Variants in RSPH9 observed in about 807,000 individuals in gnomAD.
The protein encoded by RSPH9 is radial spoke head component 9.
Under a neutral mutation model 27.0 loss-of-function variants are expected in RSPH9, and 27 were observed. The observed-to-expected ratio is 1.00, with a 90% CI of 0.74 to 1.38. The LOEUF (loss-of-function observed/expected upper bound fraction) is 1.38. RSPH9 is among the 40% of genes most tolerant of loss of function. RSPH9 has a pLI of 0.00. For missense variants in RSPH9, 347 were observed against 357.4 expected (o/e 0.97, Z 0.24); for synonymous variants, 145 against 147.7 (o/e 0.98, Z 0.13).
intron 4 of RSPH9, among the ~76,000 whole-genome samples, chr6:43,657,207 A>C (rs573132367): frequency 1.3e-5 from 2 of 152,334 alleles, no homozygotes; most frequent in East Asian, 3.9e-4. Context: ...TCTAGGCTCT[A>C]GGCCATCGGG....
chr6:43,660,964 A>C (rs1301714735), intron 4 of RSPH9, among the ~76,000 whole-genome samples: 4 of 152,222 alleles, frequency 2.6e-5, no homozygotes, highest in African/African-American at 9.6e-5. Context: ...GCAGGCAGGA[A>C]AACAACATTA....
At chr6:43,660,692 T>C (rs1469570173) in intron 4 of RSPH9, among the ~76,000 whole-genome samples, 1 of 152,162 alleles carries the variant, frequency 6.6e-6, no homozygotes, top group East Asian at 1.9e-4. Context: ...CTCAATCTCC[T>C]GACCTAGTGA....
chr6:43,645,072 C>A lies in RSPH9; in HGVS notation c.-27C>A, dbSNP rs750185178. 8 of 1,597,354 alleles carry A rather than the reference C, an allele frequency of 5.0e-6. No homozygotes were observed. The Admixed American group carries it at 1.2e-4, about 23-fold the overall frequency. The stretch of plus-strand genomic sequence containing the variant: ...GAGGCGGCTTCTCCTAGCAACTCGA[C>A]GGGCGTTGAGCGGAGCCGCTGACCT... On this transcript the variant is annotated 5_prime_UTR_variant, in exon 1 of 5. Transcript: ENST00000372163.
intron 3 of RSPH9, 49 bp from the exon 4 acceptor site, chr6:43,656,528 G>A (rs777624430): frequency 1.9e-6 from 3 of 1,606,332 alleles, no homozygotes; most frequent in Admixed American, 3.3e-5. Flanking sequence ...AAAGGGGGCT[G>A]GGGGGTTTTG....
chr6:43,650,342 G>A (rs781295043), intron 1 of RSPH9, 33 bp from the exon 2 acceptor site: 1 of 1,611,502 alleles, frequency 6.2e-7, no homozygotes, highest in Non-Finnish European at 8.5e-7. Context: ...GAAGGGAGTT[G>A]GAATCCAGGG....
intron 4 of RSPH9, among the ~76,000 whole-genome samples, chr6:43,668,898 T>C (rs924341884): frequency 1.3e-5 from 2 of 152,152 alleles, no homozygotes; most frequent in African/African-American, 4.8e-5. Context: ...GAATCGGATC[T>C]CCCTGGGTCT....
intron 4 of RSPH9, among the ~76,000 whole-genome samples, chr6:43,665,755 C>A (rs1397821490): frequency 6.6e-6 from 1 of 152,146 alleles, no homozygotes; most frequent in Non-Finnish European, 1.5e-5. Flanking sequence ...CCTTGGGAAA[C>A]CTCCCCATAC....
chr6:43,656,785 C>T, intron 4 of RSPH9, 62 bp downstream of exon 4: 1 of 1,572,548 alleles, frequency 6.4e-7, no homozygotes, highest in Non-Finnish European at 8.7e-7. Context: ...TGGGCCATGC[C>T]ACCTGCCATT....
intron 3 of RSPH9, 119 bp downstream of exon 3, chr6:43,655,810 G>A: frequency 8.1e-7 from 1 of 1,236,606 alleles, no homozygotes; most frequent in Non-Finnish European, 1.2e-6. Context: ...GAGTAGCTGT[G>A]ACCTTATCAC....
At chr6:43,662,639 T>A (rs554946559) in intron 4 of RSPH9, among the ~76,000 whole-genome samples, 1 of 152,154 alleles carries the variant, frequency 6.6e-6, no homozygotes, top group African/African-American at 2.4e-5. Flanking sequence ...AGCGCTGGGA[T>A]TACAGGCGTG....
At chr6:43,662,364 C>T (rs1285736531) in intron 4 of RSPH9, among the ~76,000 whole-genome samples, 1 of 151,288 alleles carries the variant, frequency 6.6e-6, no homozygotes, top group Non-Finnish European at 1.5e-5. Context: ...AAGGCTGTTT[C>T]ACTTTCTTTT....
chr6:43,646,200 C>T (rs1338217667), intron 1 of RSPH9, among the ~76,000 whole-genome samples: 34 of 151,972 alleles, frequency 2.2e-4, no homozygotes, highest in Admixed American at 2.2e-3. Flanking sequence ...GGCTCGATCT[C>T]GGCTCACTGC....
rs764886205 is a variant in RSPH9 at position 43,645,335 on chromosome 6, C to T, written c.227+10C>T. On this transcript the variant is annotated intron_variant, in intron 1 of 4. Coordinates refer to ENST00000372163, the MANE Select transcript of RSPH9 (RefSeq NM_152732.5). ...GCAAGACGCTCTATAGGTGAGGAGG[C>T]CCCCGGGACGGGCTCCCCAGAGGGT... 11 of 1,608,206 alleles carry T rather than the reference C, an allele frequency of 6.8e-6. No individual in the cohort carries two copies. The highest frequency in any genetic ancestry group is 6.7e-5 in the Admixed American group (4 of 59,992).
chr6:43,666,304 G>A (rs1773129004), intron 4 of RSPH9: 3 of 734,578 alleles, frequency 4.1e-6, no homozygotes, highest in Admixed American at 4.3e-5. Context: ...CAGCAGCTGG[G>A]CTGGGCTGCT....
intron 4 of RSPH9, among the ~76,000 whole-genome samples, chr6:43,661,548 C>T (rs1000607937): frequency 3.3e-5 from 5 of 150,194 alleles, no homozygotes; most frequent in African/African-American, 1.2e-4. Context: ...GTAATCCCAG[C>T]TATTCGGGAG....
intron 4 of RSPH9, among the ~76,000 whole-genome samples, chr6:43,659,823 C>G (rs1358727107): frequency 1.3e-5 from 2 of 151,928 alleles, no homozygotes; most frequent in African/African-American, 4.8e-5. Flanking sequence ...AGCTCCGCCT[C>G]CCGGGTTCAC....
chr6:43,645,466 G>A, intron 1 of RSPH9, 141 bp downstream of exon 1: 1 of 767,604 alleles, frequency 1.3e-6, no homozygotes, highest in Non-Finnish European at 2.2e-6. Context: ...GTGGAATGGG[G>A]GAGACCCTGG....
intron 4 of RSPH9, among the ~76,000 whole-genome samples, chr6:43,664,679 T>C (rs1322654059): frequency 6.6e-6 from 1 of 152,186 alleles, no homozygotes; most frequent in African/African-American, 2.4e-5. Context: ...CAGGAACATC[T>C]GAGTCAAGCT....
chr6:43,656,496 C>A, intron 3 of RSPH9, 81 bp from the exon 4 acceptor site: 1 of 1,498,710 alleles, frequency 6.7e-7, no homozygotes, highest in Non-Finnish European at 9.3e-7. Flanking sequence ...TAAGCCCTAC[C>A]ATGTGGTCCC....
Sources: allele counts gnomAD v4.1 joint callset (sites outside exome capture counted in the v4.1 genomes callset), GRCh38; gene constraint gnomAD v4.1.1; transcripts MANE v1.5; gene names NCBI Gene and HGNC (gene_info 2026-07-23, HGNC 2026-07-21).